Variants in KAT6A observed in about 807,000 individuals in gnomAD.
The protein encoded by KAT6A is histone acetyltransferase KAT6A.
KAT6A carries 9 observed loss-of-function variants against 198.4 expected under a neutral mutation model. The ratio of observed to expected loss-of-function variants is 0.05; its 90% confidence interval spans 0.03 to 0.08. The LOEUF (loss-of-function observed/expected upper bound fraction) is 0.08, where lower values mean the gene tolerates loss of function less well. KAT6A is among the 10% of genes least tolerant of loss of function. The pLI is 1.00. For missense variants in KAT6A, 2,077 were observed against 2,509.9 expected (o/e 0.83, Z 3.69); for synonymous variants, 890 against 883.0 (o/e 1.01, Z -0.14).
chr8:41,935,650 T>C (rs1329648877), intron 16 of KAT6A, among the ~76,000 whole-genome samples: 4 of 152,114 alleles, frequency 2.6e-5, no homozygotes, highest in African/African-American at 7.2e-5. Flanking sequence ...TACACTCACA[T>C]TGCCTATTAA....
intron 2 of KAT6A, among the ~76,000 whole-genome samples, chr8:42,001,877 T>C (rs1436057445): frequency 6.6e-6 from 1 of 152,230 alleles, no homozygotes; most frequent in Non-Finnish European, 1.5e-5. Flanking sequence ...CTAGGTCTCC[T>C]ACATGTATGC....
chr8:42,023,450 C>A (rs867873487), intron 2 of KAT6A, among the ~76,000 whole-genome samples: 2 of 151,908 alleles, frequency 1.3e-5, no homozygotes, highest in Admixed American at 6.6e-5. Flanking sequence ...AATAACACTT[C>A]ACTCAAAACA....
chr8:41,950,646 TA>T (rs1451615006), intron 9 of KAT6A, among the ~76,000 whole-genome samples: 1 of 151,878 alleles, frequency 6.6e-6, no homozygotes, highest in Non-Finnish European at 1.5e-5. Context: ...TTGTGCTTTT[TA>T]AAGTATTTTT....
chr8:41,947,993 T>C (rs1007559448), intron 10 of KAT6A, 81 bp from the exon 11 acceptor site: 13 of 1,162,444 alleles, frequency 1.1e-5, no homozygotes, highest in Admixed American at 2.7e-5. Context: ...AAAGCATCTC[T>C]AGATATCCAC....
chr8:41,970,822 C>T (rs984837360), intron 8 of KAT6A, among the ~76,000 whole-genome samples: 1 of 152,172 alleles, frequency 6.6e-6, no homozygotes, highest in Admixed American at 6.5e-5. Context: ...GGAACCAACC[C>T]AAATGTCCAG....
intron 3 of KAT6A, among the ~76,000 whole-genome samples, chr8:41,982,459 A>G (rs1420484981): frequency 6.6e-6 from 1 of 152,226 alleles, no homozygotes; most frequent in Non-Finnish European, 1.5e-5. Flanking sequence ...AATTTAAAAA[A>G]TACAGTTAGT....
intron 9 of KAT6A, among the ~76,000 whole-genome samples, chr8:41,951,803 T>A (rs1374188101): frequency 6.6e-6 from 1 of 152,218 alleles, no homozygotes; most frequent in Non-Finnish European, 1.5e-5. Flanking sequence ...AGTCAACTTG[T>A]AGCAAATTTT....
intron 2 of KAT6A, among the ~76,000 whole-genome samples, chr8:42,035,307 T>A (rs970825578): frequency 1.3e-5 from 2 of 152,180 alleles, no homozygotes; most frequent in Admixed American, 6.6e-5. Flanking sequence ...TAAAGGAAGT[T>A]GATAAATTCC....
In KAT6A at chr8:41,961,263, T is replaced by C. The variant is rs181053127; in HGVS notation, c.1483-5852A>G. On this transcript the variant is annotated intron_variant, in intron 8 of 16. Transcript: ENST00000265713. ...CCACCTTTGTGCCACACATCCTGCC[T>C]TTCACCAATACTATGGCTAAAGATT... Among the ~76,000 whole-genome samples the C allele has an allele frequency of 1.2e-3, 177 of 152,360 alleles. 1 individual carries two copies. Among genetic ancestry groups the C allele is most frequent in the African/African-American group, 4.2e-3 (175 of 41,578 alleles).
chr8:42,017,725 A>T (rs555692452), intron 2 of KAT6A, among the ~76,000 whole-genome samples: 1 of 152,206 alleles, frequency 6.6e-6, no homozygotes, highest in Non-Finnish European at 1.5e-5. Flanking sequence ...CCAAAAGACA[A>T]TAGAAACCCA....
chr8:41,947,658 T>A (rs1309199133), intron 11 of KAT6A, 93 bp downstream of exon 11: 4 of 970,852 alleles, frequency 4.1e-6, no homozygotes, highest in Non-Finnish European at 6.2e-6. Context: ...ACCTAGGAGG[T>A]GCTGCATCTT....
chr8:42,008,799 A>C (rs1375405079), intron 2 of KAT6A, among the ~76,000 whole-genome samples: 1 of 152,180 alleles, frequency 6.6e-6, no homozygotes, highest in Non-Finnish European at 1.5e-5. Context: ...AGTGGTTATC[A>C]TTACTTTAAC....
intron 2 of KAT6A, among the ~76,000 whole-genome samples, chr8:42,021,037 G>C (rs1050405636): frequency 6.6e-6 from 1 of 151,960 alleles, no homozygotes; most frequent in Non-Finnish European, 1.5e-5. Flanking sequence ...TGCTGTCCTT[G>C]TTACTGTTCT....
At chr8:42,035,279 T>C (rs1168537612) in intron 2 of KAT6A, among the ~76,000 whole-genome samples, 3 of 152,202 alleles carry the variant, frequency 2.0e-5, no homozygotes, top group Non-Finnish European at 4.4e-5. Flanking sequence ...CTTACCACTG[T>C]AAGAAATGAC....
intron 4 of KAT6A, 118 bp from the exon 5 acceptor site, chr8:41,981,045 C>G (rs77532956): frequency 4.0e-6 from 3 of 741,936 alleles, no homozygotes; most frequent in Non-Finnish European, 7.1e-6. Flanking sequence ...ATAAGCCAGG[C>G]GCAATGGCTC....
Position 41,933,228 on chromosome 8 carries a change from T to C in KAT6A, c.4992A>G (p.Pro1664=), listed in dbSNP as rs948605563. The change falls in exon 17 of 17, where the codon CCA becomes CCG. Residue 1664 remains proline (P), a synonymous_variant. Coordinates refer to ENST00000265713, the MANE Select transcript of KAT6A (RefSeq NM_006766.5). The surrounding 1 kb of genome is among the most constrained non-coding windows in gnomAD (Gnocchi z 6.2). ...PPPQQPQPPP[P]QPQPAPQPPP... Reference sequence around the variant, plus strand: ...GAGGCTGTGGTGCTGGTTGTGGTTGTGGCGGCGGCGGCTGTGGCTGCTGTG... The same window carrying C: ...GAGGCTGTGGTGCTGGTTGTGGTTGCGGCGGCGGCGGCTGTGGCTGCTGTG... The C allele has an allele frequency of 6.4e-6, 10 of 1,553,420 alleles. No individual in the cohort carries two copies. Among genetic ancestry groups the C allele is most frequent in the Non-Finnish European group, 8.7e-6 (10 of 1,153,414 alleles).
intron 8 of KAT6A, among the ~76,000 whole-genome samples, chr8:41,968,544 A>T (rs1823623107): frequency 6.6e-6 from 1 of 152,218 alleles, no homozygotes; most frequent in African/African-American, 2.4e-5. Context: ...AAACTAGTTC[A>T]ACCACTGTGG....
chr8:41,936,547 G>A (rs538972612), intron 16 of KAT6A, among the ~76,000 whole-genome samples: 3 of 152,192 alleles, frequency 2.0e-5, no homozygotes, highest in African/African-American at 7.2e-5. Flanking sequence ...AGGCTAGGGT[G>A]AAAAAGACTT....
At chr8:41,953,456 A>G (rs1397232894) in intron 9 of KAT6A, among the ~76,000 whole-genome samples, 2 of 152,192 alleles carry the variant, frequency 1.3e-5, no homozygotes, top group African/African-American at 4.8e-5. Flanking sequence ...TGATGAAAAA[A>G]TTAATTCCTT....
Sources: gnomAD v4.1 joint callset for allele counts (sites outside exome capture counted in the v4.1 genomes callset) on GRCh38, gnomAD v4.1.1 for gene constraint, Gnocchi (gnomAD v3.1) non-coding constraint, MANE v1.5 for transcripts, NCBI Gene and HGNC (gene_info 2026-07-23, HGNC 2026-07-21) for gene names.